RTL9: variants seen among roughly 807,000 people sequenced by gnomAD.
The protein encoded by RTL9 is retrotransposon Gag-like protein 9.
A neutral mutation model predicts 44.7 loss-of-function variants in RTL9; 19 were observed. That is an observed-to-expected ratio of 0.42 (90% CI 0.30 to 0.62). The LOEUF (loss-of-function observed/expected upper bound fraction) is 0.62, where lower values mean the gene tolerates loss of function less well. Ranked by LOEUF, RTL9 falls within the 20% of genes least tolerant of loss-of-function variation. RTL9 has a pLI of 0.16. For synonymous variants in RTL9, 407 were observed against 398.9 expected (o/e 1.02, Z -0.24); for missense variants, 1,105 against 1,080.6 (o/e 1.02, Z -0.32).
intron 1 of RTL9, among the ~76,000 whole-genome samples, chrX:110,399,152 G>C (rs1044443705): frequency 8.9e-6 from 1 of 112,162 alleles, no homozygotes; most frequent in African/African-American, 3.2e-5. Flanking sequence ...ATATAATACA[G>C]TGTATCACAT....
chrX:110,401,645 C>G (rs935158380), intron 1 of RTL9, among the ~76,000 whole-genome samples: 1 of 111,510 alleles, frequency 9.0e-6, no homozygotes. Flanking sequence ...CTCCTACAAC[C>G]AAAGGGTGTT....
At chrX:110,432,932 T>C (rs778617200) in intron 1 of RTL9, among the ~76,000 whole-genome samples, 2 of 112,719 alleles carry the variant, frequency 1.8e-5, no homozygotes, top group Non-Finnish European at 3.7e-5. Context: ...ACCCTGTGGT[T>C]CAGGGAGGTG....
rs890703576 is a variant in RTL9, at chrX:110,451,011, A to G, written c.394A>G (p.Thr132Ala). 6 of 1,210,408 alleles carry G rather than the reference A, an allele frequency of 5.0e-6. No homozygotes were observed. In the African/African-American group the frequency reaches 7.0e-5, roughly 14 times the overall value. The change falls in exon 1 of 2, where the codon ACT becomes GCT. Residue 132 changes from threonine (T) to alanine (A), a missense_variant. Transcript: ENST00000540313. Reference sequence around the variant, plus strand: ...TGGAACATTGTCCCCATTGCTGTCCACTTCAGAGTATGGGGTAATGTCCCC... The same window carrying G: ...TGGAACATTGTCCCCATTGCTGTCCGCTTCAGAGTATGGGGTAATGTCCCC...
At chrX:110,413,820 A>G (rs1238808316) in intron 1 of RTL9, among the ~76,000 whole-genome samples, 6 of 111,478 alleles carry the variant, frequency 5.4e-5, no homozygotes, top group Non-Finnish European at 7.5e-5. Context: ...CCATCCTGGA[A>G]CATGATGATG....
chrX:110,395,808 C>T (rs1292866032), intron 1 of RTL9, among the ~76,000 whole-genome samples: 2 of 110,438 alleles, frequency 1.8e-5, no homozygotes, highest in Non-Finnish European at 3.8e-5. Flanking sequence ...GTAATGCAGC[C>T]CACACCAGCA....
chrX:110,428,464 G>C (rs1346123647), intron 1 of RTL9, among the ~76,000 whole-genome samples: 1 of 111,714 alleles, frequency 9.0e-6, no homozygotes, highest in Non-Finnish European at 1.9e-5. Context: ...TCTGCAGAAC[G>C]AATAACTGAA....
rs2068318777 is a variant in RTL9 at position 110,369,125 on chromosome X, A to G, written c.-168+10209A>G. ...AGGTGGGCAGATCAGGAAGTCAGGGAATTGAGACCATCCTGGCTAACACAG... is the reference window on the plus strand; with the variant it reads ...AGGTGGGCAGATCAGGAAGTCAGGGGATTGAGACCATCCTGGCTAACACAG... On this transcript the variant is annotated intron_variant, in intron 1 of 2. Coordinates refer to the RTL9 transcript ENST00000520821. Among the ~76,000 whole-genome samples, 7 of 111,664 alleles carry G rather than the reference A, an allele frequency of 6.3e-5. No homozygotes were observed. In the South Asian group the frequency reaches 2.7e-3, roughly 42 times the overall value.
At chrX:110,443,050 C>T (rs929226986) in intron 1 of RTL9, among the ~76,000 whole-genome samples, 2 of 111,867 alleles carry the variant, frequency 1.8e-5, no homozygotes, top group Admixed American at 9.5e-5. Flanking sequence ...GCAGGGACCC[C>T]GGATAAGCAG....
chrX:110,384,914 T>C (rs1401929363), intron 1 of RTL9, among the ~76,000 whole-genome samples: 1 of 110,832 alleles, frequency 9.0e-6, no homozygotes, highest in Non-Finnish European at 1.9e-5. Context: ...CCTCTTCCCT[T>C]TGTTTGGTTT....
chrX:110,452,838 G>A (rs759639771), exon 1 of RTL9: 49 of 1,209,256 alleles, frequency 4.1e-5, no homozygotes, highest in Non-Finnish European at 4.9e-5. Flanking sequence ...GTCCATGACC[G>A]CTGGAGGGAT....
intron 1 of RTL9, among the ~76,000 whole-genome samples, chrX:110,390,444 C>T (rs2068487047): frequency 8.9e-6 from 1 of 112,160 alleles, no homozygotes; most frequent in Admixed American, 9.4e-5. Context: ...AACATCAACA[C>T]TGCTTTTAGC....
exon 1 of RTL9, chrX:110,453,387 T>A: frequency 8.3e-7 from 1 of 1,211,288 alleles, no homozygotes. Flanking sequence ...TGAGACTGTG[T>A]CCACAGAGTT....
exon 1 of RTL9, chrX:110,452,231 G>C: frequency 1.7e-6 from 2 of 1,211,427 alleles, no homozygotes; most frequent in South Asian, 3.5e-5. Context: ...CAATGTCCAT[G>C]CTGCAAATGA....
upstream of RTL9, among the ~76,000 whole-genome samples, chrX:110,446,548 T>A (rs1490916359): frequency 1.8e-5 from 2 of 111,193 alleles, no homozygotes; most frequent in Non-Finnish European, 3.8e-5. Context: ...CTTTTCGTAT[T>A]ATGGGTCCAT....
chrX:110,424,966 G>A (rs1441778667), intron 1 of RTL9, among the ~76,000 whole-genome samples: 3 of 111,414 alleles, frequency 2.7e-5, no homozygotes, highest in African/African-American at 6.5e-5. Flanking sequence ...CAGTATTCTC[G>A]CTTTCCCTTT....
intron 1 of RTL9, among the ~76,000 whole-genome samples, chrX:110,444,040 T>C (rs1466507099): frequency 3.6e-5 from 4 of 112,380 alleles, no homozygotes; most frequent in Non-Finnish European, 7.5e-5. Flanking sequence ...TGGTTTTGAA[T>C]TTTTCTGCTT....
chrX:110,444,953 TC>T (rs2068900901), intron 1 of RTL9, among the ~76,000 whole-genome samples, 199 bp from the exon 2 acceptor site: 1 of 112,668 alleles, frequency 8.9e-6, no homozygotes, highest in African/African-American at 3.2e-5. Flanking sequence ...ATTCCACAGA[TC>T]CTTCAGACCG....
upstream of RTL9, among the ~76,000 whole-genome samples, chrX:110,418,699 G>A (rs1269333346): frequency 9.0e-6 from 1 of 111,710 alleles, no homozygotes; most frequent in East Asian, 2.8e-4. Context: ...TGGGATCAGA[G>A]ACAGCGCATG....
At chrX:110,415,525 C>T (rs185603115), upstream of RTL9, among the ~76,000 whole-genome samples, 91 of 111,347 alleles carry the variant, frequency 8.2e-4, no homozygotes, top group African/African-American at 2.9e-3. Flanking sequence ...ATGGAGGAAT[C>T]GACAACCAAT....
Sources: allele counts gnomAD v4.1 joint callset (sites outside exome capture counted in the v4.1 genomes callset), GRCh38; gene constraint gnomAD v4.1.1; transcripts MANE v1.5; gene names NCBI Gene and HGNC (gene_info 2026-07-23, HGNC 2026-07-21).